Variants in MYRFL observed in about 807,000 individuals in gnomAD.
MYRFL encodes myelin regulatory factor-like protein.
MYRFL carries 88 observed loss-of-function variants against 109.4 expected under a neutral mutation model. That is an observed-to-expected ratio of 0.80 (90% CI 0.68 to 0.96). MYRFL has a LOEUF of 0.96. MYRFL is among the 40% of genes least tolerant of loss of function. The probability of loss-of-function intolerance (pLI) is 0.00; values close to 1 mark genes in which losing one functional copy is unlikely to be tolerated. For synonymous variants in MYRFL, 324 were observed against 320.9 expected, an observed-to-expected ratio of 1.01 and a Z score of -0.10; for missense variants, 957 against 954.9, an observed-to-expected ratio of 1.00 and a Z score of -0.03.
chr12:69,944,886 A>G (rs1363318040), intron 19 of MYRFL, among the ~76,000 whole-genome samples: 1 of 152,154 alleles, frequency 6.6e-6, no homozygotes, highest in East Asian at 1.9e-4. Context: ...ATTTTAAAAA[A>G]GTGATGGATA....
intron 19 of MYRFL, among the ~76,000 whole-genome samples, chr12:69,940,310 G>A (rs976266418): frequency 5.3e-5 from 8 of 150,624 alleles, no homozygotes; most frequent in South Asian, 2.1e-4. Context: ...GAGAAAGGTC[G>A]GGTTACCCTC....
At chr12:69,922,279 A>G (rs1954936719) in intron 13 of MYRFL, among the ~76,000 whole-genome samples, 1 of 152,190 alleles carries the variant, frequency 6.6e-6, no homozygotes. Flanking sequence ...ATGATTTAAC[A>G]TTTATCATGA....
Position 69,917,014 on chromosome 12 carries a change from G to A in MYRFL, c.1602+6084G>A, listed in dbSNP as rs561720634. Reference sequence around the variant, plus strand: ...TAGCTTCCACGGCTCCCCTTCCCCAGCCCCTCCCTCTCTCTGTTCCTCAAA... The same window carrying A: ...TAGCTTCCACGGCTCCCCTTCCCCAACCCCTCCCTCTCTCTGTTCCTCAAA... On this transcript the variant is annotated intron_variant, in intron 13 of 24. Coordinates refer to ENST00000552032, the MANE Select transcript of MYRFL (RefSeq NM_182530.3). 4.9e-3 allele frequency among the ~76,000 whole-genome samples: 751 copies of A among 152,024 alleles called. 4 individuals are homozygous for A. The highest frequency in any genetic ancestry group is 0.017 in the African/African-American group (707 of 41,452).
intron 19 of MYRFL, among the ~76,000 whole-genome samples, chr12:69,945,093 TAA>T (rs1955793042): frequency 1.3e-5 from 2 of 152,186 alleles, no homozygotes; most frequent in South Asian, 4.1e-4. Context: ...TGTTTTAAGC[TAA>T]GTGTTATTAC....
At chr12:69,907,789 G>C (rs947387520) in intron 11 of MYRFL, among the ~76,000 whole-genome samples, 10 of 152,148 alleles carry the variant, frequency 6.6e-5, no homozygotes, top group African/African-American at 2.2e-4. Context: ...TAAAATTTAA[G>C]CTCCAAAAGA....
At position 69,925,086 on chromosome 12, in the gene MYRFL, C is replaced by T. The variant is rs531180946; in HGVS notation, c.1603-1485C>T. On this transcript the variant is annotated intron_variant, in intron 13 of 24. Coordinates refer to ENST00000552032, the MANE Select transcript of MYRFL (RefSeq NM_182530.3). ...CAAATGGCCAGGTGATAGAATTGAA[C>T]ATGCTTTGAGGACACTGTAGAGTGA... Among the ~76,000 whole-genome samples the T allele has an allele frequency of 2.0e-5, 3 of 152,268 alleles. No homozygotes were observed. The East Asian group carries it at 5.8e-4, about 29-fold the overall frequency.
chr12:69,939,999 A>G (rs1457498690), intron 19 of MYRFL, among the ~76,000 whole-genome samples: 2 of 151,986 alleles, frequency 1.3e-5, no homozygotes, highest in African/African-American at 4.8e-5. Flanking sequence ...GAAAGTTTAG[A>G]GAAAAAAGAA....
intron 19 of MYRFL, among the ~76,000 whole-genome samples, chr12:69,941,851 A>C (rs1161339906): frequency 4.0e-5 from 6 of 151,586 alleles, no homozygotes; most frequent in Non-Finnish European, 8.9e-5. Flanking sequence ...GATAAAGGGG[A>C]TATCACCACC....
At chr12:69,863,762 TC>T (rs1884842538) in intron 2 of MYRFL, among the ~76,000 whole-genome samples, 1 of 152,226 alleles carries the variant, frequency 6.6e-6, no homozygotes, top group Admixed American at 6.5e-5. Flanking sequence ...TTTGGGAAGT[TC>T]CACAATTCTT....
At chr12:69,950,827 A>G (rs76560743) in intron 19 of MYRFL, among the ~76,000 whole-genome samples, 5,292 of 152,302 alleles carry the variant, frequency 0.035, 315 homozygotes, top group African/African-American at 0.12. Context: ...ATGGATAAAA[A>G]AGAATCCAGA....
At chr12:69,908,027 T>C (rs1954426833) in intron 11 of MYRFL, among the ~76,000 whole-genome samples, 3 of 152,154 alleles carry the variant, frequency 2.0e-5, no homozygotes, top group African/African-American at 7.2e-5. Flanking sequence ...GCAGATGTCA[T>C]TCAGGGCATT....
Position 69,843,242 on chromosome 12 carries a change from C to T in MYRFL, c.47-12038C>T, listed in dbSNP as rs527683016. 9.3e-4 allele frequency among the ~76,000 whole-genome samples: 141 copies of T among 152,268 alleles called. 2 individuals carry two copies. Among genetic ancestry groups the T allele is most frequent in the East Asian group, 3.1e-3 (16 of 5,184 alleles). On this transcript the variant is annotated intron_variant, in intron 1 of 24. Coordinates refer to ENST00000552032, the MANE Select transcript of MYRFL (RefSeq NM_182530.3). The stretch of plus-strand genomic sequence containing the variant: ...CGAAATATCTATTAACATTTCTGCT[C>T]CAGTTTTTCATGAACACTGGCATGT...
chr12:69,909,348 T>C (rs1954477475), intron 11 of MYRFL, among the ~76,000 whole-genome samples: 1 of 152,198 alleles, frequency 6.6e-6, no homozygotes. Context: ...CTGAGGGCCA[T>C]GACAGTGGTT....
At chr12:69,895,133 A>G (rs1403898428) in intron 8 of MYRFL, among the ~76,000 whole-genome samples, 1 of 152,210 alleles carries the variant, frequency 6.6e-6, no homozygotes, top group Non-Finnish European at 1.5e-5. Context: ...TCCAGGCTTC[A>G]GCTTTTACTG....
intron 16 of MYRFL, among the ~76,000 whole-genome samples, chr12:69,934,868 T>C (rs555119749): frequency 1.2e-4 from 18 of 152,248 alleles, no homozygotes; most frequent in Non-Finnish European, 2.5e-4. Flanking sequence ...AAAGGCATTA[T>C]TCAGAAAGAC....
intron 2 of MYRFL, among the ~76,000 whole-genome samples, chr12:69,874,848 T>A (rs1326103851): frequency 6.6e-6 from 1 of 152,072 alleles, no homozygotes; most frequent in Non-Finnish European, 1.5e-5. Flanking sequence ...TAAGGTACTG[T>A]TTTTCTTTAG....
rs969292842 is a variant in MYRFL at position 69,886,704 on chromosome 12, C to A, written c.557-116C>A. The A allele has an allele frequency of 1.2e-5, 15 of 1,256,464 alleles. No individual in the cohort carries two copies. In the Admixed American group the frequency reaches 2.5e-4, roughly 21 times the overall value. 77.8% of individuals were successfully genotyped at this position (1,256,464 alleles called of 1,614,324 possible). A position where few individuals can be genotyped will look rare whatever the true frequency, so the allele number is the denominator to read the frequency against. Reference sequence around the variant, plus strand: ...CACACCTCCTACCCCCAGCACATGACACTTCCCTAGTCACTCTGCCTTACA... The same window carrying A: ...CACACCTCCTACCCCCAGCACATGAAACTTCCCTAGTCACTCTGCCTTACA... On this transcript the variant is annotated intron_variant, in intron 5 of 24. Coordinates refer to ENST00000552032, the MANE Select transcript of MYRFL (RefSeq NM_182530.3).
In MYRFL at chr12:69,909,989, GA is replaced by G. The variant is rs1954502057; in HGVS notation, c.1408del (p.Arg470GlufsTer2). 6.5e-7 allele frequency: 1 copy of G among 1,532,488 alleles called. No homozygotes were observed. Among genetic ancestry groups the G allele is most frequent in the African/African-American group, 1.4e-5 (1 of 72,824 alleles). The allele number at this position is 1,532,488 out of a possible 1,614,324, so 94.9% of individuals were successfully genotyped here. ...ATTAGGTTGACACGAATGAACAGCT[GA>G]AAAGAATAGCCCAAATGAGAATTGT... ...IQEVDTNEQL[K>X]RIAQMRIVEY... On this transcript the variant is annotated frameshift_variant, in exon 12 of 25. Coordinates refer to ENST00000552032, the MANE Select transcript of MYRFL (RefSeq NM_182530.3). LOFTEE classifies it high-confidence loss of function.
chr12:69,896,388 T>C (rs576534411), intron 9 of MYRFL, among the ~76,000 whole-genome samples: 6 of 152,360 alleles, frequency 3.9e-5, no homozygotes, highest in African/African-American at 1.4e-4. Context: ...TCTTGTTCTC[T>C]AAGAGAATAG....
Sources: gnomAD v4.1 joint callset for allele counts (sites outside exome capture counted in the v4.1 genomes callset) on GRCh38, gnomAD v4.1.1 for gene constraint, MANE v1.5 for transcripts, NCBI Gene and HGNC (gene_info 2026-07-23, HGNC 2026-07-21) for gene names.